The following CTNNA2 variants were observed in gnomAD, a reference collection of about 807,000 sequenced individuals.
CTNNA2 encodes the protein catenin alpha-2.
CTNNA2 carries 42 observed loss-of-function variants against 101.0 expected under a neutral mutation model. That is an observed-to-expected ratio of 0.42 (90% confidence interval 0.32 to 0.54). The LOEUF is 0.54. CTNNA2 is among the 20% of genes least tolerant of loss of function. The probability of loss-of-function intolerance (pLI) is 0.14; values close to 1 mark genes in which losing one functional copy is unlikely to be tolerated. For synonymous variants in CTNNA2, 450 were observed against 456.4 expected, an observed-to-expected ratio of 0.99 and a Z score of 0.18; for missense variants, 871 against 1,223.1, an observed-to-expected ratio of 0.71 and a Z score of 4.29.
At chr2:80,597,125 A>AT (rs949612843) in intron 15 of CTNNA2, among the ~76,000 whole-genome samples, 1 of 152,096 alleles carries the variant, frequency 6.6e-6, no homozygotes. Flanking sequence ...TTAACTGAGG[A>AT]TTTTTGCATC....
At chr2:79,542,794 A>C (rs1012332698) in intron 1 of CTNNA2, among the ~76,000 whole-genome samples, 2 of 152,152 alleles carry the variant, frequency 1.3e-5, no homozygotes, top group Non-Finnish European at 1.5e-5. Flanking sequence ...CCATTTCACT[A>C]TCTCCTGTAA....
At chr2:80,584,936 C>A (rs1340725417) in intron 14 of CTNNA2, among the ~76,000 whole-genome samples, 3 of 152,076 alleles carry the variant, frequency 2.0e-5, no homozygotes, top group Non-Finnish European at 4.4e-5. Context: ...GGACAACTAC[C>A]TCAATTTTCC....
At chr2:79,616,071 T>G (rs998707351) in intron 1 of CTNNA2, among the ~76,000 whole-genome samples, 4 of 152,166 alleles carry the variant, frequency 2.6e-5, no homozygotes, top group Non-Finnish European at 5.9e-5. Flanking sequence ...ATTAAGAAGT[T>G]GCAGGAGAGA....
chr2:79,195,945 T>C (rs1673954821), intron 1 of CTNNA2: 1 of 438,438 alleles, frequency 2.3e-6, no homozygotes, highest in South Asian at 1.7e-5. Context: ...TTTTTGTTTG[T>C]TTGTTTTATG....
intron 14 of CTNNA2, among the ~76,000 whole-genome samples, chr2:80,582,147 AT>A (rs1195775958): frequency 2.6e-5 from 4 of 152,108 alleles, no homozygotes; most frequent in African/African-American, 7.2e-5. Context: ...GAATACTCAA[AT>A]TTTGCATTGG....
chr2:80,619,565 A>AG (rs1490204016), intron 18 of CTNNA2, among the ~76,000 whole-genome samples: 3 of 151,916 alleles, frequency 2.0e-5, no homozygotes, highest in East Asian at 3.9e-4. Flanking sequence ...GGTAGTCAGA[A>AG]GGATGTATTC....
intron 7 of CTNNA2, among the ~76,000 whole-genome samples, chr2:80,326,722 A>G (rs1376566930): frequency 6.6e-6 from 1 of 152,214 alleles, no homozygotes; most frequent in African/African-American, 2.4e-5. Context: ...CATTTAAGGA[A>G]AAAAATCTTC....
chr2:80,054,708 C>T (rs1015977139), intron 7 of CTNNA2, among the ~76,000 whole-genome samples: 3 of 152,072 alleles, frequency 2.0e-5, no homozygotes, highest in African/African-American at 7.2e-5. Flanking sequence ...AGGGACTTTG[C>T]AAAAGTGGAG....
chr2:80,180,487 C>T (rs1032670764), intron 7 of CTNNA2, among the ~76,000 whole-genome samples: 13 of 152,204 alleles, frequency 8.5e-5, no homozygotes, highest in South Asian at 2.1e-4. Flanking sequence ...CTGTCCATTA[C>T]GGTAACTATG....
chr2:79,232,513 T>C (rs1446605314), intron 2 of CTNNA2, among the ~76,000 whole-genome samples: 1 of 152,196 alleles, frequency 6.6e-6, no homozygotes, highest in Non-Finnish European at 1.5e-5. Flanking sequence ...TTTCATTGTG[T>C]CTCTGCCATG....
chr2:79,201,565 G>A (rs1364289802), intron 2 of CTNNA2, among the ~76,000 whole-genome samples: 1 of 152,138 alleles, frequency 6.6e-6, no homozygotes, highest in Non-Finnish European at 1.5e-5. Flanking sequence ...TCCAACAAGA[G>A]TTGGAAATAA....
At chr2:79,574,028 GT>G (rs1675631031) in intron 1 of CTNNA2, 1 of 165,856 alleles carries the variant, frequency 6.0e-6, no homozygotes. Context: ...TTTTAAAAAT[GT>G]TCAGAGATTC....
intron 7 of CTNNA2, among the ~76,000 whole-genome samples, chr2:79,949,779 AG>A (rs1197934959): frequency 6.6e-6 from 1 of 152,156 alleles, no homozygotes; most frequent in East Asian, 1.9e-4. Flanking sequence ...GCCTGTCTTA[AG>A]AAAAAAAAAC....
At chr2:79,196,012 A>G (rs977541916) in intron 1 of CTNNA2, among the ~76,000 whole-genome samples, 4 of 151,972 alleles carry the variant, frequency 2.6e-5, no homozygotes, top group Non-Finnish European at 5.9e-5. Context: ...TCTCGGCTCA[A>G]TGCAATCTCC....
intron 4 of CTNNA2, among the ~76,000 whole-genome samples, chr2:79,399,497 T>C (rs1678267682): frequency 6.6e-6 from 1 of 152,050 alleles, no homozygotes; most frequent in African/African-American, 2.4e-5. Context: ...CTCTAACCAA[T>C]CATTAACTGA....
chr2:79,660,147 C>T (rs1015165122), intron 2 of CTNNA2, among the ~76,000 whole-genome samples: 1 of 151,310 alleles, frequency 6.6e-6, no homozygotes, highest in Non-Finnish European at 1.5e-5. Context: ...GCAATATACA[C>T]ACACAAGTAG....
intron 4 of CTNNA2, among the ~76,000 whole-genome samples, chr2:79,432,665 C>A (rs537029671): frequency 4.8e-4 from 73 of 152,278 alleles, no homozygotes; most frequent in African/African-American, 1.7e-3. Flanking sequence ...TCAACTACCC[C>A]TCCCCACCAC....
At chr2:79,465,198 A>C (rs983556108) in intron 4 of CTNNA2, among the ~76,000 whole-genome samples, 1 of 152,198 alleles carries the variant, frequency 6.6e-6, no homozygotes, top group African/African-American at 2.4e-5. Flanking sequence ...AGCTTTCTAC[A>C]TAGGGTTAGC....
intron 4 of CTNNA2, among the ~76,000 whole-genome samples, chr2:79,451,434 A>T (rs1573172103): frequency 6.6e-6 from 1 of 152,242 alleles, no homozygotes; most frequent in East Asian, 1.9e-4. Context: ...TTTATAAATA[A>T]AGATTGGTGC....
Sources: allele counts gnomAD v4.1 joint callset (sites outside exome capture counted in the v4.1 genomes callset), GRCh38; gene constraint gnomAD v4.1.1; transcripts MANE v1.5; gene names NCBI Gene and HGNC (gene_info 2026-07-23, HGNC 2026-07-21).